CDH18: variants seen among roughly 807,000 people sequenced by gnomAD.
CDH18 encodes the protein cadherin 18, also known as cadherin-18.
A neutral mutation model predicts 67.9 loss-of-function variants in CDH18; 31 were observed. That is an observed-to-expected ratio of 0.46 (90% confidence interval 0.34 to 0.62). CDH18 has a LOEUF of 0.62. Ranked by LOEUF, CDH18 falls within the 20% of genes least tolerant of loss-of-function variation. The pLI is 0.01. For missense variants in CDH18, 890 were observed against 975.5 expected (o/e 0.91, Z 1.17); for synonymous variants, 362 against 347.2 (o/e 1.04, Z -0.48).
At chr5:20,351,187 T>TGCGCGC (rs1316234985) in intron 1 of CDH18, among the ~76,000 whole-genome samples, 1 of 144,472 alleles carries the variant, frequency 6.9e-6, no homozygotes, top group African/African-American at 2.5e-5. Flanking sequence ...TGTGTGTGTG[T>TGCGCGC]GTGTGCGTGT....
intron 1 of CDH18, among the ~76,000 whole-genome samples, chr5:20,342,093 C>T (rs1481194813): frequency 3.9e-5 from 6 of 152,018 alleles, no homozygotes; most frequent in Non-Finnish European, 7.4e-5. Context: ...GCTGAAATTA[C>T]GGAAAAACAA....
At chr5:19,686,433 G>A (rs1229911281) in intron 5 of CDH18, among the ~76,000 whole-genome samples, 2 of 152,160 alleles carry the variant, frequency 1.3e-5, no homozygotes, top group Admixed American at 1.3e-4. Context: ...TGGAAGGAAA[G>A]TTGTTCAAAA....
intron 11 of CDH18, among the ~76,000 whole-genome samples, chr5:19,494,908 T>C (rs754856027): frequency 3.9e-5 from 6 of 152,220 alleles, no homozygotes; most frequent in Admixed American, 1.3e-4. Flanking sequence ...TGGAAATCGA[T>C]TCTTAGGCTA....
intron 3 of CDH18, among the ~76,000 whole-genome samples, chr5:19,828,983 A>G (rs1780726268): frequency 6.6e-6 from 1 of 152,198 alleles, no homozygotes; most frequent in South Asian, 2.1e-4. Context: ...ATTTGCAGTG[A>G]GCCAAGATCA....
chr5:19,755,458 TACACACACACAC>T (rs70950099), intron 3 of CDH18, among the ~76,000 whole-genome samples: 1 of 9,450 alleles, frequency 1.1e-4, no homozygotes, highest in African/African-American at 1.4e-4. Flanking sequence ...TATATATATA[TACACACACACAC>T]ACACATACAT....
intron 6 of CDH18, among the ~76,000 whole-genome samples, chr5:19,599,012 T>A (rs1746623624): frequency 6.6e-6 from 1 of 152,176 alleles, no homozygotes; most frequent in African/African-American, 2.4e-5. Context: ...AATTTGTTGT[T>A]TTATCACTAA....
Position 20,403,785 on chromosome 5 carries a change from GC to G in CDH18, c.-579-148281del, listed in dbSNP as rs371791588. On this transcript the variant is annotated intron_variant, in intron 1 of 14. Transcript: ENST00000507958. ...AAGTGACCATTGGCTTCATCTTAAA[GC>G]CACCAGCTGCATTAGCTCCTAAAGT... Among the ~76,000 whole-genome samples the G allele has an allele frequency of 1.1e-3, 160 of 152,266 alleles. 4 individuals are homozygous for G. The South Asian group carries it at 0.032, about 30-fold the overall frequency.
chr5:19,736,316 G>C (rs559734840), intron 4 of CDH18, among the ~76,000 whole-genome samples: 115 of 152,232 alleles, frequency 7.6e-4, no homozygotes, highest in African/African-American at 2.5e-3. Context: ...CGGAGATCAA[G>C]GCTGCAGTGA....
At chr5:19,473,786 GC>G in intron 12 of CDH18, 70 bp from the exon 13 acceptor site, 1 of 1,296,764 alleles carries the variant, frequency 7.7e-7, no homozygotes, top group Non-Finnish European at 1.1e-6. Flanking sequence ...TTTTACAACA[GC>G]AATTTCCCAT....
intron 6 of CDH18, among the ~76,000 whole-genome samples, chr5:19,600,378 C>T (rs865828186): frequency 6.6e-6 from 1 of 150,978 alleles, no homozygotes; most frequent in African/African-American, 2.4e-5. Flanking sequence ...AATAAATAAG[C>T]CTCTAGAGTT....
At chr5:19,807,320 A>G (rs1251978823) in intron 3 of CDH18, among the ~76,000 whole-genome samples, 1 of 152,192 alleles carries the variant, frequency 6.6e-6, no homozygotes, top group Non-Finnish European at 1.5e-5. Flanking sequence ...AACTTTAAAT[A>G]AAACTAAAAA....
In CDH18 at chr5:20,501,569, A is replaced by AAT. The variant is rs1437925295; in HGVS notation, c.-580+73891_-580+73892dup. Among the ~76,000 whole-genome samples the AAT allele has an allele frequency of 4.9e-4, 8 of 16,186 alleles. 1 individual carries two copies. The highest frequency in any genetic ancestry group is 7.2e-4 in the African/African-American group (5 of 6,924). 10.6% of individuals were successfully genotyped at this position (16,186 alleles called of 152,430 possible). A position where few individuals can be genotyped will look rare whatever the true frequency, so the allele number is the denominator to read the frequency against. ...TATTATATATATAATATATATATAT[A>AAT]ATATATATATATTATATATATATAT... is the stretch of plus-strand genomic sequence containing the variant. On this transcript the variant is annotated intron_variant, in intron 1 of 14. Transcript: ENST00000507958.
At position 20,297,511 on chromosome 5, in the gene CDH18, A is replaced by T. The variant is rs74931034; in HGVS notation, c.-579-42006T>A. On this transcript the variant is annotated intron_variant, in intron 1 of 14. Transcript: ENST00000507958. ...TAGCCTATGCAACGAAAGAAACAAA[A>T]TCAATTTAATGAGTCACAATGTCCA... Among the ~76,000 whole-genome samples the T allele has an allele frequency of 9.1e-4, 138 of 152,342 alleles. 1 individual carries two copies. In the East Asian group the frequency reaches 0.021, roughly 23 times the overall value.
chr5:19,615,228 CAT>C (rs1749638453), intron 5 of CDH18, among the ~76,000 whole-genome samples: 1 of 151,854 alleles, frequency 6.6e-6, no homozygotes, highest in Non-Finnish European at 1.5e-5. Flanking sequence ...CTCCTAGAGA[CAT>C]ATAGATAATC....
chr5:19,935,841 T>C lies in CDH18; in HGVS notation c.-257+45219A>G, dbSNP rs577404677. Among the ~76,000 whole-genome samples, 106 of 150,328 alleles carry C rather than the reference T, an allele frequency of 7.1e-4. 1 individual carries two copies. The highest frequency in any genetic ancestry group is 2.4e-3 in the African/African-American group (97 of 41,230). ...CTCTCTCTCTCTCACTCTCTCTCTG[T>C]CCCAATGTCTTCTCAATGCTCATTT... On this transcript the variant is annotated intron_variant, in intron 2 of 12. Coordinates refer to ENST00000382275, the MANE Select transcript of CDH18 (RefSeq NM_004934.5).
At chr5:19,852,416 A>C (rs181869563) in intron 2 of CDH18, among the ~76,000 whole-genome samples, 2 of 152,056 alleles carry the variant, frequency 1.3e-5, no homozygotes, top group East Asian at 3.9e-4. Context: ...GTAAACAGTA[A>C]CCGTTCTCAT....
intron 8 of CDH18, among the ~76,000 whole-genome samples, chr5:19,558,577 C>T (rs908452838): frequency 6.6e-6 from 1 of 151,058 alleles, no homozygotes; most frequent in African/African-American, 2.4e-5. Flanking sequence ...ATATACAACC[C>T]TCCTAGATTA....
At chr5:19,569,848 T>C (rs1580263790) in intron 8 of CDH18, among the ~76,000 whole-genome samples, 1 of 152,162 alleles carries the variant, frequency 6.6e-6, no homozygotes, top group South Asian at 2.1e-4. Flanking sequence ...TTTGATCATA[T>C]GAATATGTCA....
At chr5:20,259,270 T>G (rs1580606382) in intron 1 of CDH18, among the ~76,000 whole-genome samples, 1 of 152,164 alleles carries the variant, frequency 6.6e-6, no homozygotes, top group East Asian at 1.9e-4. Flanking sequence ...GAGATGGCAC[T>G]GTGCTATGCA....
Sources: allele counts gnomAD v4.1 joint callset (sites outside exome capture counted in the v4.1 genomes callset), GRCh38; gene constraint gnomAD v4.1.1; transcripts MANE v1.5; gene names NCBI Gene and HGNC (gene_info 2026-07-23, HGNC 2026-07-21).